ZFYVE16: variants seen among roughly 807,000 people sequenced by gnomAD.
The protein encoded by ZFYVE16 is zinc finger FYVE-type containing 16, also known as zinc finger FYVE domain-containing protein 16.
Under a neutral mutation model 138.1 loss-of-function variants are expected in ZFYVE16, and 89 were observed. The ratio of observed to expected loss-of-function variants is 0.64; its 90% confidence interval spans 0.54 to 0.77. The LOEUF is 0.77. Among genes scored for constraint, ZFYVE16 ranks in the 30% least tolerant of loss-of-function variants. The probability of loss-of-function intolerance (pLI) is 0.00; values close to 1 mark genes in which losing one functional copy is unlikely to be tolerated. For missense variants in ZFYVE16, 1,793 were observed against 1,786.7 expected (o/e 1.00, Z -0.06); for synonymous variants, 596 against 618.3 (o/e 0.96, Z 0.53).
chr5:80,441,833 G>A (rs1335018199), intron 5 of ZFYVE16: 2 of 985,384 alleles, frequency 2.0e-6, no homozygotes, highest in East Asian at 1.1e-4. Flanking sequence ...AGCAGTGGCA[G>A]CATTGATAGC....
At chr5:80,414,484 G>T (rs921653799) in intron 1 of ZFYVE16, among the ~76,000 whole-genome samples, 1 of 152,096 alleles carries the variant, frequency 6.6e-6, no homozygotes, top group African/African-American at 2.4e-5. Context: ...GAGACAGAAT[G>T]GGATGCACAT....
chr5:80,474,881 A>G (rs751982193), intron 18 of ZFYVE16, 51 bp downstream of exon 18: 8 of 1,551,932 alleles, frequency 5.2e-6, no homozygotes, highest in Non-Finnish European at 7.0e-6. Flanking sequence ...TTGCATATTA[A>G]CAAGTTTTTC....
intron 6 of ZFYVE16, 88 bp from the exon 7 acceptor site, chr5:80,445,175 G>C (rs1561289982): frequency 3.4e-6 from 5 of 1,490,026 alleles, no homozygotes; most frequent in Non-Finnish European, 4.5e-6. Flanking sequence ...ATAGCAAAAA[G>C]CTTTTGAAAA....
intron 6 of ZFYVE16, 87 bp from the exon 7 acceptor site, chr5:80,445,176 C>T: frequency 6.7e-7 from 1 of 1,495,588 alleles, no homozygotes; most frequent in East Asian, 2.3e-5. Context: ...TAGCAAAAAG[C>T]TTTTGAAAAC....
At chr5:80,433,639 T>C (rs1749442677) in intron 2 of ZFYVE16, among the ~76,000 whole-genome samples, 1 of 151,794 alleles carries the variant, frequency 6.6e-6, no homozygotes, top group Non-Finnish European at 1.5e-5. Flanking sequence ...AGAGATGACA[T>C]GTAAACCCTG....
intron 15 of ZFYVE16, among the ~76,000 whole-genome samples, chr5:80,470,022 CATATATATGTGTGT>C (rs1296117055): frequency 5.0e-5 from 7 of 141,222 alleles, no homozygotes; most frequent in Admixed American, 7.1e-5. Flanking sequence ...TACATATATA[CATATATATGTGTGT>C]ATATATATGT....
At chr5:80,410,687 C>T (rs996226793) in intron 1 of ZFYVE16, among the ~76,000 whole-genome samples, 3 of 150,464 alleles carry the variant, frequency 2.0e-5, no homozygotes, top group Non-Finnish European at 4.4e-5. Flanking sequence ...TCTCCTGCCT[C>T]AGCCTCCTGA....
chr5:80,431,904 A>G (rs1307259090), intron 2 of ZFYVE16, among the ~76,000 whole-genome samples: 5 of 152,334 alleles, frequency 3.3e-5, no homozygotes, highest in South Asian at 2.1e-4. Context: ...TTCAGGGAGA[A>G]CTACAAACCA....
At chr5:80,475,719 A>G (rs1046916473) in intron 18 of ZFYVE16, among the ~76,000 whole-genome samples, 2 of 152,202 alleles carry the variant, frequency 1.3e-5, no homozygotes, top group African/African-American at 4.8e-5. Context: ...ATATAAATGT[A>G]CCATAATTTA....
Position 80,437,004 on chromosome 5 carries a change from G to A in ZFYVE16, c.319G>A (p.Asp107Asn). The change falls in exon 4 of 19, where the codon GAT becomes AAT. Residue 107 changes from aspartate to asparagine, a missense_variant. By Grantham distance (23) the Asp-to-Asn change is conservative (BLOSUM62 1). Around this residue, in one of 2 missense-constraint regions of ZFYVE16, gnomAD observed 1,295 missense variants for 1,204.3 expected, o/e 1.08. Coordinates refer to ENST00000505560, the MANE Select transcript of ZFYVE16 (RefSeq NM_001284236.3). ...AGGACTTGATCTTCTTTCTTCTGTG[G>A]ATGGTGGTACTTCAGATGAAATCCA... ...VTGLDLLSSV[D>N]GGTSDEIQPL... 1 of 1,614,184 alleles carries A rather than the reference G, an allele frequency of 6.2e-7. No individual in the cohort carries two copies. Among genetic ancestry groups the A allele is most frequent in the South Asian group, 1.1e-5 (1 of 91,086 alleles).
chr5:80,461,647 A>C (rs1192489573), intron 15 of ZFYVE16, among the ~76,000 whole-genome samples: 9 of 152,118 alleles, frequency 5.9e-5, no homozygotes, highest in Non-Finnish European at 5.9e-5. Context: ...TGACTCTCAG[A>C]GAGAGCTCCA....
intron 17 of ZFYVE16, 140 bp from the exon 18 acceptor site, chr5:80,474,523 C>G: frequency 1.2e-6 from 1 of 856,432 alleles, no homozygotes; most frequent in South Asian, 1.9e-5. Context: ...TAGTACAGAT[C>G]AAGCTATCGA....
At chr5:80,477,095 A>G (rs1554053774) in intron 18 of ZFYVE16, 124 bp from the exon 19 acceptor site, 1 of 763,606 alleles carries the variant, frequency 1.3e-6, no homozygotes, top group Non-Finnish European at 1.9e-6. Flanking sequence ...TTTTTTATAA[A>G]TATATCAAAT....
At chr5:80,466,565 C>A (rs1753775056) in intron 15 of ZFYVE16, among the ~76,000 whole-genome samples, 1 of 152,080 alleles carries the variant, frequency 6.6e-6, no homozygotes, top group Admixed American at 6.5e-5. Flanking sequence ...TTGATTTATA[C>A]CCTTTGTCTA....
rs1755122878 is a variant in ZFYVE16, at chr5:80,478,707, G to A, written c.*1330G>A. 1 of 152,064 alleles carries A rather than the reference G, an allele frequency of 6.6e-6. No individual in the cohort carries two copies. The highest frequency in any genetic ancestry group is 1.5e-5 in the Non-Finnish European group (1 of 67,958). 9.4% of individuals were successfully genotyped at this position (152,064 alleles called of 1,614,324 possible). A position where few individuals can be genotyped will look rare whatever the true frequency, so the allele number is the denominator to read the frequency against. On this transcript the variant is annotated 3_prime_UTR_variant, in exon 19 of 19. Transcript: ENST00000505560. Reference sequence around the variant, plus strand: ...ATCTCAACTTGAAGATCAAGTCAAAGTTATAACTCAGGATCTGAGGTCTCA... The same window carrying A: ...ATCTCAACTTGAAGATCAAGTCAAAATTATAACTCAGGATCTGAGGTCTCA...
chr5:80,472,985 C>A, intron 16 of ZFYVE16, 62 bp downstream of exon 16: 2 of 1,360,422 alleles, frequency 1.5e-6, no homozygotes, highest in Non-Finnish European at 2.0e-6. Context: ...TTAAAATATC[C>A]TATTAATAAA....
chr5:80,469,732 C>A (rs1014696527), intron 15 of ZFYVE16, among the ~76,000 whole-genome samples: 3 of 151,500 alleles, frequency 2.0e-5, no homozygotes, highest in African/African-American at 7.3e-5. Context: ...ATGCTCTGCT[C>A]ATTTTTTCTT....
intron 2 of ZFYVE16, among the ~76,000 whole-genome samples, chr5:80,428,359 C>T (rs534797772): frequency 2.0e-5 from 3 of 152,290 alleles, no homozygotes; most frequent in South Asian, 2.1e-4. Flanking sequence ...CTGGAGTAGA[C>T]CTCCAGCAAA....
At chr5:80,433,402 A>G (rs1455391379) in intron 2 of ZFYVE16, among the ~76,000 whole-genome samples, 2 of 152,182 alleles carry the variant, frequency 1.3e-5, no homozygotes, top group African/African-American at 4.8e-5. Context: ...ACACCTGGAC[A>G]CAGGAAGGGG....
Sources: gnomAD v4.1 joint callset for allele counts (sites outside exome capture counted in the v4.1 genomes callset) on GRCh38, gnomAD v4.1.1 for gene constraint, gnomAD v4.1.1 regional missense constraint, MANE v1.5 for transcripts, NCBI Gene and HGNC (gene_info 2026-07-23, HGNC 2026-07-21) for gene names.